Variants in PHACTR3 observed in about 807,000 individuals in gnomAD.
The protein encoded by PHACTR3 is protein phosphatase 1, regulatory subunit 123.
Under a neutral mutation model 66.8 loss-of-function variants are expected in PHACTR3, and 16 were observed. The observed-to-expected ratio is 0.24, with a 90% CI of 0.16 to 0.36. The LOEUF is 0.36. Among genes scored for constraint, PHACTR3 ranks in the 10% least tolerant of loss-of-function variants. The pLI is 1.00. For missense variants in PHACTR3, 647 were observed against 719.9 expected, an observed-to-expected ratio of 0.90 and a Z score of 1.16; for synonymous variants, 323 against 292.1, an observed-to-expected ratio of 1.11 and a Z score of -1.08.
At chr20:59,593,218 C>T (rs1261921496) in intron 1 of PHACTR3, among the ~76,000 whole-genome samples, 2 of 152,170 alleles carry the variant, frequency 1.3e-5, no homozygotes, top group East Asian at 3.8e-4. Context: ...GCAGTGGTCT[C>T]TCATTGTGGT....
intron 1 of PHACTR3, among the ~76,000 whole-genome samples, chr20:59,659,756 T>C (rs1158693775): frequency 6.6e-6 from 1 of 152,156 alleles, no homozygotes; most frequent in Non-Finnish European, 1.5e-5. Context: ...ATTTTTCCCT[T>C]ACCATAGCTT....
intron 7 of PHACTR3, among the ~76,000 whole-genome samples, chr20:59,781,076 C>T (rs898146517): frequency 8.5e-5 from 13 of 152,204 alleles, no homozygotes; most frequent in Non-Finnish European, 1.6e-4. Flanking sequence ...GTCAATGTTC[C>T]GTAGCTGATT....
At chr20:59,808,870 G>T (rs1182527) in intron 8 of PHACTR3, among the ~76,000 whole-genome samples, 37,934 of 152,092 alleles carry the variant, frequency 0.25, 5,098 homozygotes, top group Middle Eastern at 0.32. Flanking sequence ...GTTCTCCGTG[G>T]AGGGGCCGTC....
At chr20:59,685,600 C>T (rs180816678) in intron 1 of PHACTR3, among the ~76,000 whole-genome samples, 3 of 152,308 alleles carry the variant, frequency 2.0e-5, no homozygotes, top group East Asian at 3.9e-4. Flanking sequence ...CCTGGAGTTC[C>T]GGCCACTCTG....
At chr20:59,662,373 G>C (rs931967716) in intron 1 of PHACTR3, among the ~76,000 whole-genome samples, 3 of 152,126 alleles carry the variant, frequency 2.0e-5, no homozygotes, top group Non-Finnish European at 4.4e-5. Context: ...GACCTGCAGT[G>C]GGGGAGCATT....
At chr20:59,641,712 C>A (rs1007663841) in intron 1 of PHACTR3, among the ~76,000 whole-genome samples, 1 of 152,182 alleles carries the variant, frequency 6.6e-6, no homozygotes, top group Non-Finnish European at 1.5e-5. Flanking sequence ...GGAACCATCC[C>A]ATGCATATCT....
intron 1 of PHACTR3, among the ~76,000 whole-genome samples, chr20:59,722,198 C>G (rs2038336423): frequency 6.6e-6 from 1 of 151,896 alleles, no homozygotes; most frequent in South Asian, 2.1e-4. Flanking sequence ...TGCCACTGCA[C>G]TCCAGCCTGG....
At chr20:59,648,910 AC>A (rs1358925429) in intron 1 of PHACTR3, among the ~76,000 whole-genome samples, 2 of 152,106 alleles carry the variant, frequency 1.3e-5, no homozygotes, top group African/African-American at 2.4e-5. Flanking sequence ...ACCCCAGAAC[AC>A]CTGCTAGGAG....
In PHACTR3 at chr20:59,761,288, A is replaced by G. The variant is rs141681777; in HGVS notation, c.542-5898A>G. 2.9e-3 allele frequency among the ~76,000 whole-genome samples: 441 copies of G among 152,118 alleles called. 1 individual carries two copies. The highest frequency in any genetic ancestry group is 0.01 in the African/African-American group (421 of 41,498). ...TGCCCTTAACCACTGCCTGGGGCCTATGCTGGTCCCAGCTACCCCTGGGGC... is the reference window on the plus strand; with the variant it reads ...TGCCCTTAACCACTGCCTGGGGCCTGTGCTGGTCCCAGCTACCCCTGGGGC... On this transcript the variant is annotated intron_variant, in intron 4 of 12. Transcript: ENST00000371015.
At chr20:59,650,934 T>C (rs2035440182) in intron 1 of PHACTR3, among the ~76,000 whole-genome samples, 1 of 152,104 alleles carries the variant, frequency 6.6e-6, no homozygotes, top group Admixed American at 6.5e-5. Flanking sequence ...ATCTATAATG[T>C]TTTGTTTTTT....
At chr20:59,600,444 A>G (rs773515141), upstream of PHACTR3, among the ~76,000 whole-genome samples, 2 of 152,192 alleles carry the variant, frequency 1.3e-5, no homozygotes, top group African/African-American at 4.8e-5. Context: ...GGATGCATCC[A>G]TTGGTCTGTA....
At chr20:59,607,440 C>T (rs1328776007) in intron 1 of PHACTR3, among the ~76,000 whole-genome samples, 1 of 152,224 alleles carries the variant, frequency 6.6e-6, no homozygotes, top group Non-Finnish European at 1.5e-5. Context: ...GGAATAACCT[C>T]ACACAGAGTT....
intron 1 of PHACTR3, among the ~76,000 whole-genome samples, chr20:59,639,399 G>A (rs1225712645): frequency 6.6e-6 from 1 of 152,180 alleles, no homozygotes; most frequent in Non-Finnish European, 1.5e-5. Flanking sequence ...GGACCTCACA[G>A]CAATGCTCTG....
rs1040251670 is a variant in PHACTR3 at position 59,836,553 on chromosome 20, C to A, written c.1377C>A (p.Ile459=). ...PAVEELERRN[I]LKQRNDQTEQ... is the part of the protein sequence containing the mutation. ...TGGAAGAGCTGGAGAGAAGAAATAT[C>A]TTGAAACGTGAGTAGCTGGTGATTC... Residue 459 remains isoleucine (I), a synonymous_variant, in exon 9 of 13, where the codon ATC becomes ATA. Transcript: ENST00000371015. The A allele has an allele frequency of 6.2e-7, 1 of 1,610,922 alleles. No homozygotes were observed.
At chr20:59,691,865 C>T (rs957830356) in intron 1 of PHACTR3, among the ~76,000 whole-genome samples, 6 of 152,162 alleles carry the variant, frequency 3.9e-5, no homozygotes, top group Non-Finnish European at 7.3e-5. Flanking sequence ...CCTCCAGATC[C>T]ACTCGCCCCA....
At chr20:59,751,548 C>T (rs908848178) in intron 3 of PHACTR3, among the ~76,000 whole-genome samples, 2 of 152,110 alleles carry the variant, frequency 1.3e-5, no homozygotes, top group African/African-American at 4.8e-5. Flanking sequence ...TGGAGTGAGC[C>T]GGACTCTGGG....
At chr20:59,625,411 C>T (rs79662616) in intron 1 of PHACTR3, among the ~76,000 whole-genome samples, 1 of 152,198 alleles carries the variant, frequency 6.6e-6, no homozygotes, top group Non-Finnish European at 1.5e-5. Flanking sequence ...CTCATCCCAT[C>T]TGATGCACTC....
chr20:59,826,480 G>A (rs547328893), intron 8 of PHACTR3, among the ~76,000 whole-genome samples: 32 of 152,010 alleles, frequency 2.1e-4, no homozygotes, highest in African/African-American at 7.5e-4. Context: ...CTTCCAGTGC[G>A]CTCCCCTGCC....
At chr20:59,683,529 T>A (rs2036741754) in intron 1 of PHACTR3, among the ~76,000 whole-genome samples, 1 of 151,990 alleles carries the variant, frequency 6.6e-6, no homozygotes, top group Admixed American at 6.6e-5. Flanking sequence ...AAAGGATATC[T>A]ATGTTGCACT....
Sources: gnomAD v4.1 joint callset for allele counts (sites outside exome capture counted in the v4.1 genomes callset) on GRCh38, gnomAD v4.1.1 for gene constraint, MANE v1.5 for transcripts, NCBI Gene and HGNC (gene_info 2026-07-23, HGNC 2026-07-21) for gene names.